Variants in TDRD12 observed in about 807,000 individuals in gnomAD.
TDRD12 encodes putative ATP-dependent RNA helicase TDRD12.
In TDRD12, 158 loss-of-function variants were observed where a neutral mutation model predicts 133.5. The observed-to-expected ratio is 1.18, with a 90% CI of 1.04 to 1.35. The LOEUF (loss-of-function observed/expected upper bound fraction) is 1.35, where lower values mean the gene tolerates loss of function less well. Among genes scored for constraint, TDRD12 ranks in the 40% most tolerant of loss-of-function variants. TDRD12 has a pLI of 0.00. For missense variants in TDRD12, 1,443 were observed against 1,321.3 expected, an observed-to-expected ratio of 1.09 and a Z score of -1.43; for synonymous variants, 460 against 477.9, an observed-to-expected ratio of 0.96 and a Z score of 0.49.
chr19:32,774,686 A>G (rs1599567656), intron 10 of TDRD12, among the ~76,000 whole-genome samples: 1 of 152,158 alleles, frequency 6.6e-6, no homozygotes, highest in South Asian at 2.1e-4. Flanking sequence ...TAGCAATTTA[A>G]TTATGATATA....
chr19:32,793,185 C>CAATAATAATAAT lies in TDRD12; in HGVS notation c.1288-1427_1288-1416dup, dbSNP rs36078920. ...TGGGCACAGAACGAGACTCTGTCTA[C>CAATAATAATAAT]AATAATAATAATAATAATAATAATA... On this transcript the variant is annotated intron_variant, in intron 13 of 27. Transcript: ENST00000444215. 2.8e-3 allele frequency among the ~76,000 whole-genome samples: 416 copies of CAATAATAATAAT among 149,336 alleles called. 3 individuals are homozygous for CAATAATAATAAT. The highest frequency in any genetic ancestry group is 9.5e-3 in the African/African-American group (383 of 40,432).
intron 24 of TDRD12, 87 bp from the exon 25 acceptor site, chr19:32,813,597 T>G (rs1967079706): frequency 2.9e-6 from 2 of 695,276 alleles, no homozygotes; most frequent in Admixed American, 5.0e-5. Flanking sequence ...ATGAAATGCA[T>G]GGAATATTTT....
chr19:32,784,474 C>G (rs1463154413), intron 11 of TDRD12, among the ~76,000 whole-genome samples: 3 of 152,084 alleles, frequency 2.0e-5, no homozygotes, highest in Admixed American at 1.3e-4. Context: ...CTCTGCCAGG[C>G]TTTGGTGTCA....
chr19:32,796,156 C>T (rs564363658), intron 14 of TDRD12: 519 of 985,328 alleles, frequency 5.3e-4, no homozygotes, highest in Non-Finnish European at 5.4e-4. Context: ...ACCTGCATCT[C>T]GGGGCCTGGC....
At chr19:32,725,864 G>T (rs1017894068) in intron 1 of TDRD12, among the ~76,000 whole-genome samples, 1 of 152,048 alleles carries the variant, frequency 6.6e-6, no homozygotes, top group African/African-American at 2.4e-5. Flanking sequence ...TTTTCCATTT[G>T]TTTGTGTCCT....
At chr19:32,819,424 C>G (rs532746633) in intron 27 of TDRD12, among the ~76,000 whole-genome samples, 26 of 151,994 alleles carry the variant, frequency 1.7e-4, no homozygotes, top group Admixed American at 1.4e-3. Context: ...TAGTTTCCCT[C>G]TACTTTCAAG....
intron 3 of TDRD12, among the ~76,000 whole-genome samples, chr19:32,741,559 C>T (rs1031875443): frequency 3.3e-5 from 5 of 152,074 alleles, no homozygotes; most frequent in South Asian, 2.1e-4. Context: ...TTTGTTTTTG[C>T]GTTTGATGTT....
chr19:32,791,213 C>G (rs1971062132), intron 13 of TDRD12, 145 bp downstream of exon 13: 3 of 845,622 alleles, frequency 3.5e-6, no homozygotes. Context: ...CAGGCATGAG[C>G]CACCACACTC....
chr19:32,720,181 C>T, intron 1 of TDRD12, 85 bp downstream of exon 1: 1 of 1,467,074 alleles, frequency 6.8e-7, no homozygotes, highest in South Asian at 1.2e-5. Context: ...CACCCCCACC[C>T]CAGCTCCGCA....
At position 32,810,295 on chromosome 19, in the gene TDRD12, T is replaced by G. The variant is rs1209477926; in HGVS notation, c.2837+18T>G. 1.3e-6 allele frequency: 2 copies of G among 1,481,868 alleles called. No individual in the cohort carries two copies. The highest frequency in any genetic ancestry group is 2.8e-5 in the African/African-American group (2 of 70,788). 91.8% of individuals were successfully genotyped at this position (1,481,868 alleles called of 1,614,324 possible). On this transcript the variant is annotated intron_variant, in intron 23 of 27. Coordinates refer to ENST00000444215, the Ensembl canonical transcript of TDRD12. ...TTTCACAGGTAACACATCTGTTTAC[T>G]TCATCTGTAAAGTTTTGAAGCATGA...
intron 8 of TDRD12, among the ~76,000 whole-genome samples, chr19:32,765,876 A>G (rs1467615325): frequency 1.3e-5 from 2 of 151,780 alleles, no homozygotes; most frequent in Non-Finnish European, 2.9e-5. Context: ...GTACCCTAAA[A>G]CTTAAAGTAT....
chr19:32,821,369 A>AGTGTGTGTGT (rs59054756), downstream of TDRD12: 290 of 351,570 alleles, frequency 8.2e-4, 2 homozygotes, highest in Non-Finnish European at 9.0e-4. Context: ...AGCTCAGCAG[A>AGTGTGTGTGT]GTGTGTGTGT....
chr19:32,782,291 T>C lies in TDRD12; in HGVS notation c.1121+5062T>C, dbSNP rs141575380. ...TTCATCCCTGTCCCTGCAAAGGACA[T>C]GAACTCATCCTTTTTTATGGCTGCA... On this transcript the variant is annotated intron_variant, in intron 11 of 27. Transcript: ENST00000444215. Among the ~76,000 whole-genome samples, 1,434 of 152,324 alleles carry C rather than the reference T, an allele frequency of 9.4e-3. 28 individuals are homozygous for C. The highest frequency in any genetic ancestry group is 0.032 in the African/African-American group (1,348 of 41,572).
chr19:32,780,942 ATC>A (rs1208483349), intron 11 of TDRD12, among the ~76,000 whole-genome samples: 1 of 107,156 alleles, frequency 9.3e-6, no homozygotes, highest in East Asian at 3.7e-4. Context: ...TTTTTAATCT[ATC>A]TTTTTTTTTT....
intron 1 of TDRD12, among the ~76,000 whole-genome samples, chr19:32,724,035 T>A (rs1030877059): frequency 4.6e-5 from 7 of 151,814 alleles, no homozygotes; most frequent in African/African-American, 1.7e-4. Context: ...TTAAAAAAAA[T>A]TTTTTTAGAG....
rs36078920 is a variant in TDRD12 at position 32,793,185 on chromosome 19, C to CAAT, written c.1288-1418_1288-1416dup. On this transcript the variant is annotated intron_variant, in intron 13 of 27. Coordinates refer to ENST00000444215, the Ensembl canonical transcript of TDRD12. ...TGGGCACAGAACGAGACTCTGTCTA[C>CAAT]AATAATAATAATAATAATAATAATA... is the stretch of plus-strand genomic sequence containing the variant. Among the ~76,000 whole-genome samples the CAAT allele has an allele frequency of 4.1e-3, 608 of 149,328 alleles. 6 individuals are homozygous for CAAT. Among genetic ancestry groups the CAAT allele is most frequent in the Admixed American group, 0.017 (252 of 14,996 alleles).
rs57985782 is a variant in TDRD12, at chr19:32,744,510, A to AC, written c.440+1610_440+1611insC. ...GTGAGACTCCGTCTCAAAAAAAAAA[A>AC]AAAAAAAAAAAAAACAAAAGAATAT... is the stretch of plus-strand genomic sequence containing the variant. On this transcript the variant is annotated intron_variant, in intron 4 of 27. Transcript: ENST00000444215. Among the ~76,000 whole-genome samples, 1,086 of 149,820 alleles carry AC rather than the reference A, an allele frequency of 7.2e-3. 33 individuals carry two copies. The East Asian group carries it at 0.087, about 12-fold the overall frequency.
chr19:32,798,065 G>T (rs1005004400), intron 15 of TDRD12, among the ~76,000 whole-genome samples, 174 bp downstream of exon 15: 2 of 152,208 alleles, frequency 1.3e-5, no homozygotes, highest in African/African-American at 2.4e-5. Context: ...TTTTGATTAC[G>T]AAGGCTTGAT....
intron 3 of TDRD12, among the ~76,000 whole-genome samples, chr19:32,740,669 G>A (rs575424494): frequency 9.2e-5 from 14 of 152,288 alleles, no homozygotes; most frequent in African/African-American, 3.1e-4. Flanking sequence ...CTTTAGGGAG[G>A]CTTGGCTGCA....
Sources: gnomAD v4.1 joint callset for allele counts (sites outside exome capture counted in the v4.1 genomes callset) on GRCh38, gnomAD v4.1.1 for gene constraint, MANE v1.5 for transcripts, NCBI Gene and HGNC (gene_info 2026-07-23, HGNC 2026-07-21) for gene names.